Variants in SLC24A1 observed in about 807,000 individuals in gnomAD.
The protein encoded by SLC24A1 is sodium/potassium/calcium exchanger 1.
In SLC24A1, 52 loss-of-function variants were observed where a neutral mutation model predicts 88.1. The ratio of observed to expected loss-of-function variants is 0.59; its 90% CI spans 0.47 to 0.74. SLC24A1 has a LOEUF of 0.74. Ranked by LOEUF, SLC24A1 falls within the 30% of genes least tolerant of loss-of-function variation. SLC24A1 has a pLI of 0.00. For missense variants in SLC24A1, 1,173 were observed against 1,363.3 expected, an observed-to-expected ratio of 0.86 and a Z score of 2.20; for synonymous variants, 455 against 498.0, an observed-to-expected ratio of 0.91 and a Z score of 1.15.
chr15:65,625,284 G>A lies in SLC24A1; in HGVS notation c.1204G>A (p.Ala402Thr). The A allele has an allele frequency of 6.2e-7, 1 of 1,613,936 alleles. No homozygotes were observed. The highest frequency in any genetic ancestry group is 1.3e-5 in the African/African-American group (1 of 75,018). Residue 402 changes from alanine (A) to threonine (T), a missense_variant, in exon 2 of 10, where the codon GCC becomes ACC. Coordinates refer to ENST00000261892, the MANE Select transcript of SLC24A1 (RefSeq NM_004727.3). ...CTGTGTGGTTGTGAAGCCAACCCCAGCCATGCTCACCACTCCCTCCCCAAG... is the reference window on the plus strand; with the variant it reads ...CTGTGTGGTTGTGAAGCCAACCCCAACCATGCTCACCACTCCCTCCCCAAG... ...HHCVVVKPTP[A>T]MLTTPSPSLT... is the part of the protein sequence containing the mutation.
At chr15:65,652,338 T>C (rs1389300137) in intron 8 of SLC24A1, 1 of 311,370 alleles carries the variant, frequency 3.2e-6, no homozygotes, top group Non-Finnish European at 6.0e-6. Flanking sequence ...GGGCAGTTCT[T>C]GTGGGGAGGT....
chr15:65,643,289 G>A (rs1214535243), intron 4 of SLC24A1, among the ~76,000 whole-genome samples: 1 of 152,182 alleles, frequency 6.6e-6, no homozygotes, highest in Non-Finnish European at 1.5e-5. Context: ...TTGTGCTAAA[G>A]GAACAATATG....
intron 2 of SLC24A1, among the ~76,000 whole-genome samples, chr15:65,634,766 A>T (rs1048906819): frequency 6.6e-6 from 1 of 151,178 alleles, no homozygotes; most frequent in African/African-American, 2.4e-5. Context: ...AAAGAAAAAG[A>T]AAAAGAAAAA....
At chr15:65,639,573 G>GAGGCCTA (rs3830437) in intron 3 of SLC24A1, 22 bp from the exon 4 acceptor site, 1 of 1,561,852 alleles carries the variant, frequency 6.4e-7, no homozygotes, top group South Asian at 1.2e-5. Context: ...GGGGCCCACT[G>GAGGCCTA]TGCGGCTCTC....
chr15:65,645,325 G>T (rs2075267083), intron 5 of SLC24A1, among the ~76,000 whole-genome samples: 1 of 152,222 alleles, frequency 6.6e-6, no homozygotes, highest in Admixed American at 6.5e-5. Flanking sequence ...TGTTCTGACT[G>T]CCCAGCTGTT....
Position 65,624,187 on chromosome 15 carries a change from C to G in SLC24A1, c.107C>G (p.Ser36Cys), listed in dbSNP as rs749323970. Residue 36 changes from serine (S) to cysteine (C), a missense_variant, in exon 2 of 10, where the codon TCT becomes TGT. By Grantham distance (112) the Ser-to-Cys change is moderately radical. Coordinates refer to ENST00000261892, the MANE Select transcript of SLC24A1 (RefSeq NM_004727.3). ...LFLLGMLIIGSTYQHLRRPRG... is the reference protein window; with the variant it reads ...LFLLGMLIIGCTYQHLRRPRG... ...TTACTGGGAATGTTGATCATCGGTT[C>G]TACTTATCAGCACCTTAGGAGACCC... 6.2e-6 allele frequency: 10 copies of G among 1,613,862 alleles called. No individual in the cohort carries two copies. The highest frequency in any genetic ancestry group is 7.6e-6 in the Non-Finnish European group (9 of 1,179,860).
intron 9 of SLC24A1, 142 bp downstream of exon 9, chr15:65,652,950 A>G: frequency 1.6e-6 from 1 of 630,952 alleles, no homozygotes; most frequent in Non-Finnish European, 2.6e-6. Flanking sequence ...AAGCAACAAA[A>G]TATCTTCCCT....
In SLC24A1 at chr15:65,639,676, C is replaced by T. The variant is rs1348094692; in HGVS notation, c.2026C>T (p.Leu676Phe). The change falls in exon 4 of 10, where the codon CTC becomes TTC. Residue 676 changes from leucine to phenylalanine, a missense_variant. Transcript: ENST00000261892. Reference sequence around the variant, plus strand: ...CCGCAGCACCATCTACCAGCTCATGCTCCACAGCCTGGACCCCCTGAGGGA... The same window carrying T: ...CCGCAGCACCATCTACCAGCTCATGTTCCACAGCCTGGACCCCCTGAGGGA... The part of the protein sequence containing the change: ...TIRSTIYQLM[L>F]HSLDPLREVR... 8 of 1,612,586 alleles carry T rather than the reference C, an allele frequency of 5.0e-6. No homozygotes were observed. In the South Asian group the frequency reaches 8.8e-5, roughly 18 times the overall value.
intron 6 of SLC24A1, among the ~76,000 whole-genome samples, chr15:65,646,315 G>C (rs910981988): frequency 1.3e-5 from 2 of 152,030 alleles, no homozygotes; most frequent in Admixed American, 6.6e-5. Flanking sequence ...CTGACCTTGT[G>C]ATCCACCCAC....
At chr15:65,619,558 A>G (rs893092923), upstream of SLC24A1, among the ~76,000 whole-genome samples, 3 of 152,074 alleles carry the variant, frequency 2.0e-5, no homozygotes, top group Non-Finnish European at 4.4e-5. Context: ...AAAAAAAAGA[A>G]ATAAAATTTG....
At chr15:65,643,379 G>A (rs1397519776) in intron 4 of SLC24A1, among the ~76,000 whole-genome samples, 1 of 152,184 alleles carries the variant, frequency 6.6e-6, no homozygotes, top group Non-Finnish European at 1.5e-5. Flanking sequence ...GTCCCCTGAG[G>A]ATATGACGGT....
upstream of SLC24A1, among the ~76,000 whole-genome samples, chr15:65,620,195 CA>C (rs2074276092): frequency 6.6e-6 from 1 of 151,918 alleles, no homozygotes; most frequent in South Asian, 2.1e-4. Flanking sequence ...GTGAATAAGA[CA>C]GGCAAGTTCC....
At position 65,654,772 on chromosome 15, in the gene SLC24A1, C is replaced by G; in HGVS notation, c.*693C>G. 1 of 1,079,340 alleles carries G rather than the reference C, an allele frequency of 9.3e-7. No individual in the cohort carries two copies. The highest frequency in any genetic ancestry group is 1.2e-6 in the Non-Finnish European group (1 of 811,054). 66.9% of individuals were successfully genotyped at this position (1,079,340 alleles called of 1,614,324 possible). ...CCAGGCTGGTGTGCAATGGCGTGAT[C>G]TCGGCACACCACAACCTTCACCTCC... On this transcript the variant is annotated 3_prime_UTR_variant, in exon 10 of 10. Coordinates refer to ENST00000261892, the MANE Select transcript of SLC24A1 (RefSeq NM_004727.3).
At chr15:65,651,847 C>T (rs750109936) in intron 8 of SLC24A1, 88 bp downstream of exon 8, 14 of 753,402 alleles carry the variant, frequency 1.9e-5, no homozygotes, top group African/African-American at 5.2e-5. Flanking sequence ...CAGGGAATCT[C>T]GAGGATCAAG....
intron 4 of SLC24A1, among the ~76,000 whole-genome samples, chr15:65,641,915 T>C (rs1447444954): frequency 6.6e-6 from 1 of 152,190 alleles, no homozygotes; most frequent in African/African-American, 2.4e-5. Context: ...AGATTGATGC[T>C]AAAGCCATGA....
intron 1 of SLC24A1, chr15:65,611,941 A>G (rs748728174): frequency 6.6e-6 from 1 of 152,172 alleles, no homozygotes; most frequent in Admixed American, 6.5e-5. Context: ...CCTGAGCCCA[A>G]TTTACCTCAA....
intron 6 of SLC24A1, 120 bp downstream of exon 6, chr15:65,645,823 A>T: frequency 1.5e-6 from 1 of 657,180 alleles, no homozygotes; most frequent in South Asian, 1.9e-5. Flanking sequence ...TCTGGGGGTA[A>T]ATATTACCCT....
intron 2 of SLC24A1, among the ~76,000 whole-genome samples, chr15:65,637,048 G>A (rs895576782): frequency 1.3e-5 from 2 of 151,778 alleles, no homozygotes; most frequent in African/African-American, 2.4e-5. Flanking sequence ...GAAAAAAAAA[G>A]GTAGAGTCTA....
chr15:65,658,790 AAGTATCAT>A (rs1213515245), downstream of SLC24A1, among the ~76,000 whole-genome samples: 17 of 152,318 alleles, frequency 1.1e-4, 1 homozygote, highest in South Asian at 3.3e-3. Context: ...GGTTGCACTT[AAGTATCAT>A]AGTAATTATC....
Sources: gnomAD v4.1 joint callset for allele counts (sites outside exome capture counted in the v4.1 genomes callset) on GRCh38, gnomAD v4.1.1 for gene constraint, MANE v1.5 for transcripts, NCBI Gene and HGNC (gene_info 2026-07-23, HGNC 2026-07-21) for gene names.